FUT9: variants seen among roughly 807,000 people sequenced by gnomAD.
FUT9 encodes the protein 4-galactosyl-N-acetylglucosaminide 3-alpha-L-fucosyltransferase 9.
A neutral mutation model predicts 29.7 loss-of-function variants in FUT9; 15 were observed. That is an observed-to-expected ratio of 0.51 (90% confidence interval 0.34 to 0.78). The LOEUF is 0.78. FUT9 is among the 30% of genes least tolerant of loss of function. FUT9 has a pLI of 0.01. For missense variants in FUT9, 319 were observed against 425.4 expected (o/e 0.75, Z 2.20); for synonymous variants, 169 against 153.7 (o/e 1.10, Z -0.74).
intron 2 of FUT9, among the ~76,000 whole-genome samples, chr6:96,114,958 G>A (rs1312059971): frequency 1.3e-5 from 2 of 152,110 alleles, no homozygotes; most frequent in Non-Finnish European, 2.9e-5. Flanking sequence ...ACCTAATACC[G>A]TCAGACCTAG....
rs542310353 is a variant in FUT9, at chr6:96,052,118, G to T, written c.-98+35906G>T. Among the ~76,000 whole-genome samples the T allele has an allele frequency of 3.3e-5, 5 of 152,240 alleles. No individual in the cohort carries two copies. In the South Asian group the frequency reaches 1.0e-3, roughly 32 times the overall value. ...GAAGCAAGCACATCCTTCTTCACAT[G>T]ATGGAAGGAAGGAGAAGTGCTGAGC... On this transcript the variant is annotated intron_variant, in intron 1 of 2. Coordinates refer to ENST00000302103, the MANE Select transcript of FUT9 (RefSeq NM_006581.4).
chr6:96,048,887 C>T (rs1770614091), intron 1 of FUT9, among the ~76,000 whole-genome samples: 1 of 152,124 alleles, frequency 6.6e-6, no homozygotes, highest in African/African-American at 2.4e-5. Context: ...CTATAGTCAG[C>T]TTGTCTGCAT....
At chr6:96,174,014 CAAG>C (rs1235949165) in intron 2 of FUT9, among the ~76,000 whole-genome samples, 1 of 151,968 alleles carries the variant, frequency 6.6e-6, no homozygotes, top group African/African-American at 2.4e-5. Context: ...AAGAAAAATA[CAAG>C]AAGTATTTAG....
chr6:96,027,867 T>G (rs1037419427), intron 1 of FUT9, among the ~76,000 whole-genome samples: 1 of 151,696 alleles, frequency 6.6e-6, no homozygotes, highest in Non-Finnish European at 1.5e-5. Flanking sequence ...GGATTTTCAT[T>G]AGCCAATGTT....
chr6:96,080,140 C>T (rs1411524466), intron 1 of FUT9, among the ~76,000 whole-genome samples: 1 of 151,734 alleles, frequency 6.6e-6, no homozygotes, highest in Admixed American at 6.6e-5. Context: ...ATTCATCAAA[C>T]CAGTATTCAA....
intron 1 of FUT9, among the ~76,000 whole-genome samples, chr6:96,028,050 T>C (rs758850020): frequency 1.3e-5 from 2 of 151,560 alleles, no homozygotes; most frequent in Non-Finnish European, 3.0e-5. Context: ...TATGTTTTTA[T>C]GGGAAGAATG....
chr6:96,096,093 C>T (rs1379990289), intron 1 of FUT9, among the ~76,000 whole-genome samples: 1 of 152,062 alleles, frequency 6.6e-6, no homozygotes, highest in East Asian at 1.9e-4. Context: ...ACTTGGAAGT[C>T]TAATATATAT....
chr6:96,037,038 C>G (rs555148867), intron 1 of FUT9: 2 of 152,086 alleles, frequency 1.3e-5, no homozygotes, highest in South Asian at 2.1e-4. Context: ...GTTCATGGCT[C>G]TTAACCAAGA....
At chr6:96,185,488 C>A (rs1404189434) in intron 2 of FUT9, among the ~76,000 whole-genome samples, 2 of 151,904 alleles carry the variant, frequency 1.3e-5, no homozygotes, top group Admixed American at 1.3e-4. Flanking sequence ...AACAGAGGAG[C>A]AATGTGTGGG....
chr6:96,111,537 G>A (rs1382122134), intron 1 of FUT9, among the ~76,000 whole-genome samples: 1 of 108,512 alleles, frequency 9.2e-6, no homozygotes, highest in Non-Finnish European at 1.8e-5. Context: ...CCATGATTTG[G>A]GAAACACACA....
At chr6:96,194,613 G>A (rs943298271) in intron 2 of FUT9, among the ~76,000 whole-genome samples, 1 of 152,202 alleles carries the variant, frequency 6.6e-6, no homozygotes, top group East Asian at 1.9e-4. Flanking sequence ...CACTGGGTTA[G>A]TTGCCCTACC....
intron 1 of FUT9, among the ~76,000 whole-genome samples, chr6:96,038,993 C>T (rs7747031): frequency 0.12 from 17,906 of 152,050 alleles, 1,834 homozygotes; most frequent in African/African-American, 0.28. Flanking sequence ...AATAATCAAG[C>T]CTCCCCTCAA....
intron 2 of FUT9, among the ~76,000 whole-genome samples, chr6:96,176,056 G>A (rs1246690431): frequency 6.6e-6 from 1 of 152,170 alleles, no homozygotes; most frequent in Non-Finnish European, 1.5e-5. Flanking sequence ...CCTGCTTTTG[G>A]ACATCAGAAC....
intron 2 of FUT9, among the ~76,000 whole-genome samples, chr6:96,199,184 A>C (rs1773684168): frequency 6.6e-6 from 1 of 152,210 alleles, no homozygotes. Context: ...GGTGAGCTAT[A>C]GTAACACTGC....
chr6:96,021,223 G>A (rs1770062897), intron 1 of FUT9, among the ~76,000 whole-genome samples: 1 of 151,948 alleles, frequency 6.6e-6, no homozygotes, highest in African/African-American at 2.4e-5. Context: ...AAAAAAGCAA[G>A]TTTCCATTGC....
chr6:96,047,877 G>A (rs1582192573), intron 1 of FUT9, among the ~76,000 whole-genome samples: 2 of 152,242 alleles, frequency 1.3e-5, no homozygotes, highest in Middle Eastern at 6.8e-3. Flanking sequence ...CCAGAAACTT[G>A]GTAGCTTAAA....
intron 1 of FUT9, among the ~76,000 whole-genome samples, chr6:96,110,050 C>T (rs1384152663): frequency 2.6e-5 from 4 of 152,152 alleles, no homozygotes; most frequent in Non-Finnish European, 4.4e-5. Flanking sequence ...GAATATAAGG[C>T]TGAGTCATTG....
chr6:96,169,774 G>T (rs542571684), intron 2 of FUT9, among the ~76,000 whole-genome samples: 2 of 151,994 alleles, frequency 1.3e-5, no homozygotes, highest in South Asian at 4.1e-4. Context: ...CCTTAAAATT[G>T]TTTATTATTT....
intron 1 of FUT9, among the ~76,000 whole-genome samples, chr6:96,066,947 A>G (rs538237152): frequency 1.3e-5 from 2 of 152,052 alleles, no homozygotes; most frequent in African/African-American, 4.8e-5. Context: ...GGACCCTAAA[A>G]TATGGTTTAC....
Sources: gnomAD v4.1 joint callset for allele counts (sites outside exome capture counted in the v4.1 genomes callset) on GRCh38, gnomAD v4.1.1 for gene constraint, MANE v1.5 for transcripts, NCBI Gene and HGNC (gene_info 2026-07-23, HGNC 2026-07-21) for gene names.